COL6A2: variants seen among roughly 807,000 people sequenced by gnomAD.
COL6A2 encodes collagen type VI alpha 2 chain.
In COL6A2, 90 loss-of-function variants were observed where a neutral mutation model predicts 124.9. That is an observed-to-expected ratio of 0.72 (90% CI 0.61 to 0.86). The LOEUF (loss-of-function observed/expected upper bound fraction) is 0.86, where lower values mean the gene tolerates loss of function less well. Ranked by LOEUF, COL6A2 falls within the 40% of genes least tolerant of loss-of-function variation. COL6A2 has a pLI of 0.00. For synonymous variants in COL6A2, 793 were observed against 618.2 expected (o/e 1.28, Z -4.19); for missense variants, 1,607 against 1,502.5 (o/e 1.07, Z -1.15).
At chr21:46,115,414 T>G (rs2078456250) in intron 5 of COL6A2, among the ~76,000 whole-genome samples, 1 of 152,234 alleles carries the variant, frequency 6.6e-6, no homozygotes, top group Non-Finnish European at 1.5e-5. Flanking sequence ...TTCTGTATCA[T>G]AGGTTAAAAT....
Position 46,128,910 on chromosome 21 carries a change from C to T in COL6A2, c.2461+2369C>T, listed in dbSNP as rs532760001. Reference sequence around the variant, plus strand: ...GGCCTGTCTCCGGCACAGGTTTGGACGGAGCTGTTTTGTGCTGAAAGGTTT... The same window carrying T: ...GGCCTGTCTCCGGCACAGGTTTGGATGGAGCTGTTTTGTGCTGAAAGGTTT... On this transcript the variant is annotated intron_variant, in intron 27 of 27. Transcript: ENST00000300527. The T allele has an allele frequency of 4.0e-5, 65 of 1,612,606 alleles. No homozygotes were observed. In the African/African-American group the frequency reaches 5.3e-4, roughly 13 times the overall value.
intron 27 of COL6A2, chr21:46,129,387 A>C: frequency 3.1e-6 from 5 of 1,612,950 alleles, no homozygotes; most frequent in Non-Finnish European, 4.2e-6. Context: ...CAAGTTCGCC[A>C]CCGGGGTAGA....
chr21:46,119,717 A>G (rs1422035662), intron 14 of COL6A2, 71 bp from the exon 15 acceptor site: 2 of 1,408,508 alleles, frequency 1.4e-6, no homozygotes, highest in Non-Finnish European at 2.0e-6. Context: ...GCCCCGGCAC[A>G]GCCCCCACCC....
At chr21:46,100,310 GTGTT>G (rs148554229) in intron 1 of COL6A2, among the ~76,000 whole-genome samples, 105 of 151,984 alleles carry the variant, frequency 6.9e-4, no homozygotes, top group Middle Eastern at 3.4e-3. Context: ...GGCCATGGAT[GTGTT>G]TGTTTGTTTG....
At chr21:46,100,346 G>T (rs13048324) in intron 1 of COL6A2, among the ~76,000 whole-genome samples, 72,662 of 151,880 alleles carry the variant, frequency 0.48, 18,131 homozygotes, top group Admixed American at 0.58. Context: ...TGTTTGGGGG[G>T]TTTTTTCTTT....
intron 12 of COL6A2, 47 bp from the exon 13 acceptor site, chr21:46,118,567 C>G (rs756965031): frequency 2.5e-6 from 4 of 1,599,272 alleles, no homozygotes; most frequent in Admixed American, 1.7e-5. Flanking sequence ...CCTGCACCCC[C>G]CTTCCCCTGC....
Position 46,126,092 on chromosome 21 carries a change from C to G in COL6A2, c.2277C>G (p.Ile759Met). ...DRDVTVTAIGIGDMFHEKHES... is the reference protein window; with the variant it reads ...DRDVTVTAIGMGDMFHEKHES... ...ACGTCACAGTGACGGCCATCGGCAT[C>G]GGGGACATGTTCCACGAGAAGCACG... The change falls in exon 26 of 28, where the codon ATC becomes ATG. Residue 759 changes from isoleucine to methionine, a missense_variant. Ile to Met is a conservative substitution (Grantham distance 10). Transcript: ENST00000300527. The G allele has an allele frequency of 6.2e-7, 1 of 1,612,822 alleles. No individual in the cohort carries two copies. Among genetic ancestry groups the G allele is most frequent in the Non-Finnish European group, 8.5e-7 (1 of 1,180,010 alleles).
intron 21 of COL6A2, 89 bp from the exon 22 acceptor site, chr21:46,124,562 C>A: frequency 1.6e-6 from 2 of 1,245,050 alleles, no homozygotes; most frequent in Non-Finnish European, 2.4e-6. Flanking sequence ...AAGGGAGGAC[C>A]CGTGGTTGGG....
intron 16 of COL6A2, 104 bp downstream of exon 16, chr21:46,120,681 GAC>G: frequency 8.8e-7 from 1 of 1,142,112 alleles, no homozygotes; most frequent in Non-Finnish European, 1.2e-6. Flanking sequence ...CAAGGTAGGG[GAC>G]CCGGGTGGGT....
chr21:46,124,527 G>C, intron 21 of COL6A2, 124 bp from the exon 22 acceptor site: 3 of 795,636 alleles, frequency 3.8e-6, no homozygotes, highest in Non-Finnish European at 6.2e-6. Flanking sequence ...CTTACTCCTT[G>C]CACCTGTTAG....
chr21:46,130,464 G>A (rs1199277406), intron 27 of COL6A2, among the ~76,000 whole-genome samples: 1 of 152,154 alleles, frequency 6.6e-6, no homozygotes, highest in Non-Finnish European at 1.5e-5. Flanking sequence ...CATTTCTCAG[G>A]GCCAGGTTCT....
Position 46,112,279 on chromosome 21 carries a change from C to A in COL6A2, c.416C>A (p.Ala139Asp), listed in dbSNP as rs749711324. Residue 139 changes from alanine to aspartate, a missense_variant, in exon 3 of 28, where the codon GCC (alanine) becomes GAC (aspartate). Physicochemically the swap from Ala to Asp is moderately radical, Grantham distance 126 (BLOSUM62 -2). This residue lies in a region of COL6A2 where 342 missense variants were observed against 381.5 expected (regional missense o/e 0.90). Coordinates refer to ENST00000300527, the MANE Select transcript of COL6A2 (RefSeq NM_001849.4). ...RRGTFTDCAL[A>D]NMTEQIRQDR... ...GGCACCTTCACCGACTGCGCGCTGG[C>A]CAACATGACGGAGCAGATCCGGCAG... The A allele has an allele frequency of 6.8e-6, 11 of 1,612,574 alleles. No individual in the cohort carries two copies. In the Admixed American group the frequency reaches 1.5e-4, roughly 22 times the overall value.
intron 27 of COL6A2, among the ~76,000 whole-genome samples, chr21:46,126,830 C>T (rs920096175): frequency 6.6e-6 from 1 of 152,194 alleles, no homozygotes; most frequent in Non-Finnish European, 1.5e-5. Flanking sequence ...GAAGGCCCAC[C>T]ATGGGCCTTG....
intron 21 of COL6A2, among the ~76,000 whole-genome samples, chr21:46,124,149 G>GGATA (rs965355279): frequency 2.0e-5 from 3 of 151,390 alleles, no homozygotes; most frequent in African/African-American, 7.3e-5. Flanking sequence ...GTAAGTGAGT[G>GGATA]GATAGATAGA....
Position 46,112,208 on chromosome 21 carries a change from G to A in COL6A2, c.345G>A (p.Arg115=), listed in dbSNP as rs138007666. The A allele has an allele frequency of 2.5e-6, 4 of 1,612,904 alleles. No homozygotes were observed. The highest frequency in any genetic ancestry group is 2.7e-5 in the African/African-American group (2 of 75,046). ...TGTTCAGCCCACCGGGCAGCGACCGGGCCTCCTTCATCAAGAACCTGCAGG... is the reference window on the plus strand; with the variant it reads ...TGTTCAGCCCACCGGGCAGCGACCGAGCCTCCTTCATCAAGAACCTGCAGG... ...VEVFSPPGSD[R]ASFIKNLQGI... The change falls in exon 3 of 28, where the codon CGG becomes CGA. Residue 115 remains arginine, a synonymous_variant. Coordinates refer to ENST00000300527, the MANE Select transcript of COL6A2 (RefSeq NM_001849.4).
At chr21:46,113,917 A>G in intron 4 of COL6A2, 91 bp from the exon 5 acceptor site, 1 of 1,074,888 alleles carries the variant, frequency 9.3e-7, no homozygotes, top group Admixed American at 1.7e-5. Context: ...GCCCCTGCTG[A>G]GAGTCGTGGG....
At chr21:46,124,243 G>A (rs928168084) in intron 21 of COL6A2, among the ~76,000 whole-genome samples, 3 of 150,904 alleles carry the variant, frequency 2.0e-5, no homozygotes, top group African/African-American at 7.4e-5. Context: ...GTGACTGGGT[G>A]GATGGATGGA....
chr21:46,115,834 C>T (rs367904017), intron 5 of COL6A2, 38 bp from the exon 6 acceptor site: 17 of 1,606,480 alleles, frequency 1.1e-5, no homozygotes, highest in Admixed American at 1.7e-5. Context: ...TACCGCCCAC[C>T]CTACCCTGCC....
In COL6A2 at chr21:46,119,826, C is replaced by A; in HGVS notation, c.1308C>A (p.Gly436=). ...RGDPGTKGSP[G]SDGPKGEKGD... Reference sequence around the variant, plus strand: ...ACCCCGGCACCAAGGGCAGCCCAGGCAGCGATGGCCCCAAGGGGGAGAAGG... The same window carrying A: ...ACCCCGGCACCAAGGGCAGCCCAGGAAGCGATGGCCCCAAGGGGGAGAAGG... The change falls in exon 15 of 28, where the codon GGC becomes GGA. Residue 436 remains glycine, a synonymous_variant. Coordinates refer to ENST00000300527, the MANE Select transcript of COL6A2 (RefSeq NM_001849.4). The A allele has an allele frequency of 6.4e-7, 1 of 1,562,856 alleles. No individual in the cohort carries two copies. Among genetic ancestry groups the A allele is most frequent in the East Asian group, 2.3e-5 (1 of 42,852 alleles).
Sources: allele counts gnomAD v4.1 joint callset (sites outside exome capture counted in the v4.1 genomes callset), GRCh38; gene constraint gnomAD v4.1.1; regional missense constraint gnomAD v4.1.1; transcripts MANE v1.5; gene names NCBI Gene and HGNC (gene_info 2026-07-23, HGNC 2026-07-21).